Variants in ARK2C observed in about 807,000 individuals in gnomAD.
The protein encoded by ARK2C is E3 ubiquitin-protein ligase ARK2C.
At chr18:46,369,165 G>A in the ARK2C span, among the ~76,000 whole-genome samples, 2 of 152,174 alleles carry the variant, frequency 1.3e-5, no homozygotes, top group Non-Finnish European at 2.9e-5. Context: ...TTTCCCCTGT[G>A]TGTATGCTCT....
At chr18:46,374,064 A>G in the ARK2C span, among the ~76,000 whole-genome samples, 1 of 151,976 alleles carries the variant, frequency 6.6e-6, no homozygotes, top group Non-Finnish European at 1.5e-5. Flanking sequence ...AGGCTGGGGC[A>G]TTCTTGTCAT....
At chr18:46,427,711 G>A in the ARK2C span, among the ~76,000 whole-genome samples, 1 of 152,248 alleles carries the variant, frequency 6.6e-6, no homozygotes, top group African/African-American at 2.4e-5. Flanking sequence ...GGTATTTACT[G>A]GGTGCCAGCA....
the ARK2C span, chr18:46,447,528 C>G: frequency 1.2e-6 from 2 of 1,613,516 alleles, no homozygotes; most frequent in South Asian, 1.1e-5. Context: ...CTAAATCACA[C>G]CACCCTATGG....
chr18:46,390,790 AC>A, the ARK2C span, among the ~76,000 whole-genome samples: 3 of 152,052 alleles, frequency 2.0e-5, no homozygotes, highest in African/African-American at 7.2e-5. Flanking sequence ...TGAGCCGGGC[AC>A]CCTTATTCTT....
At chr18:46,334,946 CT>C in the ARK2C span, 1 of 154,308 alleles carries the variant, frequency 6.5e-6, no homozygotes, top group Non-Finnish European at 1.4e-5. This position sits in a 1 kb window ranked among gnomAD's most constrained non-coding sequence, Gnocchi z 4.4. Context: ...GTCTTTAACC[CT>C]TTTTGTGCAT....
the ARK2C span, among the ~76,000 whole-genome samples, chr18:46,383,019 C>A: frequency 3.9e-5 from 6 of 152,396 alleles, no homozygotes; most frequent in East Asian, 7.7e-4. Context: ...TCATGCACCC[C>A]CTAGCCTGCT....
At chr18:46,392,533 C>T in the ARK2C span, among the ~76,000 whole-genome samples, 1 of 151,268 alleles carries the variant, frequency 6.6e-6, no homozygotes, top group Non-Finnish European at 1.5e-5. Flanking sequence ...CTCCCTGTGG[C>T]CAGAGCCCCT....
At chr18:46,423,678 A>G in the ARK2C span, among the ~76,000 whole-genome samples, 1 of 152,214 alleles carries the variant, frequency 6.6e-6, no homozygotes, top group African/African-American at 2.4e-5. Context: ...CCTGGATGCC[A>G]GCCCCAACTT....
At chr18:46,456,689 C>A in the ARK2C span, 2 of 1,294,962 alleles carry the variant, frequency 1.5e-6, no homozygotes, top group Non-Finnish European at 2.2e-6. Flanking sequence ...CCCCCCACGG[C>A]CATAGCCCTT....
chr18:46,461,333 C>A, the ARK2C span: 299 of 152,436 alleles, frequency 2.0e-3, no homozygotes, highest in Non-Finnish European at 3.6e-3. Flanking sequence ...GCTGTCTCAC[C>A]TTCTGAGGAG....
At chr18:46,442,731 A>T in the ARK2C span, among the ~76,000 whole-genome samples, 5 of 152,112 alleles carry the variant, frequency 3.3e-5, no homozygotes, top group Non-Finnish European at 2.9e-5. Context: ...GAATTATTCC[A>T]TGAATTATAA....
chr18:46,433,233 C>A, the ARK2C span: 1 of 1,605,020 alleles, frequency 6.2e-7, no homozygotes, highest in Non-Finnish European at 8.5e-7. Flanking sequence ...CTACCTCCTG[C>A]CGCCACTTCC....
the ARK2C span, among the ~76,000 whole-genome samples, chr18:46,442,520 T>C: frequency 6.6e-6 from 1 of 152,192 alleles, no homozygotes; most frequent in East Asian, 1.9e-4. Flanking sequence ...AACCATACTC[T>C]GTGTAATTCT....
the ARK2C span, among the ~76,000 whole-genome samples, chr18:46,362,221 T>C: frequency 2.4e-4 from 36 of 152,222 alleles, no homozygotes; most frequent in Non-Finnish European, 4.0e-4. Flanking sequence ...AAGTGGGCCC[T>C]AGCAGGCCTT....
the ARK2C span, among the ~76,000 whole-genome samples, chr18:46,370,420 C>G: frequency 2.6e-5 from 4 of 152,250 alleles, no homozygotes; most frequent in Admixed American, 2.6e-4. Context: ...TTACACAGGT[C>G]TAGTTCTCAT....
chr18:46,435,499 A>G, the ARK2C span: 1 of 899,798 alleles, frequency 1.1e-6, no homozygotes, highest in East Asian at 2.6e-5. Context: ...TGAATGGCGC[A>G]GGAGGCCTAG....
At chr18:46,396,218 C>T in the ARK2C span, among the ~76,000 whole-genome samples, 37 of 152,332 alleles carry the variant, frequency 2.4e-4, no homozygotes, top group African/African-American at 8.7e-4. Context: ...GGGAAATAGA[C>T]TCTACCTCTT....
At chr18:46,364,782 G>A in the ARK2C span, among the ~76,000 whole-genome samples, 2 of 152,180 alleles carry the variant, frequency 1.3e-5, no homozygotes, top group African/African-American at 2.4e-5. Flanking sequence ...CGGCCACCGA[G>A]GTCATAGAAC....
the ARK2C span, among the ~76,000 whole-genome samples, chr18:46,399,330 G>A: frequency 2.0e-5 from 3 of 152,216 alleles, no homozygotes; most frequent in Non-Finnish European, 2.9e-5. Flanking sequence ...TGGGGATCAC[G>A]CGGGCATCAA....
Sources: allele counts gnomAD v4.1 joint callset (sites outside exome capture counted in the v4.1 genomes callset), GRCh38; gene constraint gnomAD v4.1.1; non-coding constraint Gnocchi (gnomAD v3.1); transcripts MANE v1.5; gene names NCBI Gene and HGNC (gene_info 2026-07-23, HGNC 2026-07-21).